The following SLCO3A1 variants were observed in gnomAD, a reference collection of about 807,000 sequenced individuals.
SLCO3A1 encodes solute carrier organic anion transporter family member 3A1.
A neutral mutation model predicts 63.1 loss-of-function variants in SLCO3A1; 27 were observed. That is an observed-to-expected ratio of 0.43 (90% CI 0.32 to 0.59). The LOEUF is 0.59. SLCO3A1 is among the 20% of genes least tolerant of loss of function. SLCO3A1 has a pLI of 0.09. For missense variants in SLCO3A1, 773 were observed against 945.8 expected (o/e 0.82, Z 2.40); for synonymous variants, 473 against 409.9 (o/e 1.15, Z -1.86).
chr15:92,141,352 C>T (rs970139895), intron 7 of SLCO3A1, among the ~76,000 whole-genome samples: 1 of 152,176 alleles, frequency 6.6e-6, no homozygotes, highest in African/African-American at 2.4e-5. Context: ...GTCTTAGGGA[C>T]AGCCAGAGAA....
intron 2 of SLCO3A1, among the ~76,000 whole-genome samples, chr15:91,972,358 C>T (rs1900909554): frequency 6.6e-6 from 1 of 152,058 alleles, no homozygotes; most frequent in Non-Finnish European, 1.5e-5. Context: ...TCGAATAGGT[C>T]ATGATGGAGG....
rs1567068094 is a variant in SLCO3A1 at position 92,016,258 on chromosome 15, A to ATAGATAGATTGAT, written c.647-78614_647-78613insTGATTAGATAGAT. Among the ~76,000 whole-genome samples, 71 of 126,236 alleles carry ATAGATAGATTGAT rather than the reference A, an allele frequency of 5.6e-4. 1 individual carries two copies. The highest frequency in any genetic ancestry group is 2.2e-3 in the African/African-American group (66 of 30,246). The allele number at this position is 126,236 out of a possible 152,430, so 82.8% of individuals were successfully genotyped here. ...ATAGATAGATAGATAGATAGATTAG[A>ATAGATAGATTGAT]TAGATAGATAGATAGATAGATAGAT... On this transcript the variant is annotated intron_variant, in intron 2 of 9. Transcript: ENST00000318445.
At chr15:91,991,404 G>T (rs1412004063) in intron 2 of SLCO3A1, among the ~76,000 whole-genome samples, 1 of 152,108 alleles carries the variant, frequency 6.6e-6, no homozygotes, top group Non-Finnish European at 1.5e-5. Context: ...ACAGTTGTTT[G>T]AAATTAAAAT....
intron 2 of SLCO3A1, among the ~76,000 whole-genome samples, chr15:92,026,451 T>C (rs1368580185): frequency 6.6e-6 from 1 of 152,246 alleles, no homozygotes; most frequent in Non-Finnish European, 1.5e-5. Context: ...AGCTTCTGTT[T>C]TATTTTTATT....
intron 2 of SLCO3A1, among the ~76,000 whole-genome samples, chr15:91,991,275 G>T (rs1348517173): frequency 6.6e-6 from 1 of 152,096 alleles, no homozygotes; most frequent in Non-Finnish European, 1.5e-5. Context: ...GCTGAGGTGG[G>T]GGATCACTTG....
chr15:91,982,623 G>C (rs1167737837), intron 2 of SLCO3A1, among the ~76,000 whole-genome samples: 1 of 152,196 alleles, frequency 6.6e-6, no homozygotes, highest in Admixed American at 6.5e-5. Flanking sequence ...TCCCTCTATA[G>C]AGTTTCTGAG....
rs33938693 is a variant in SLCO3A1 at position 91,871,765 on chromosome 15, GTTTTTT to G, written c.180+17692_180+17697del. Among the ~76,000 whole-genome samples the G allele has an allele frequency of 3.9e-4, 18 of 45,706 alleles. 1 individual carries two copies. The East Asian group carries it at 0.01, about 26-fold the overall frequency. 30.0% of individuals were successfully genotyped at this position (45,706 alleles called of 152,430 possible). On this transcript the variant is annotated intron_variant, in intron 1 of 9. Transcript: ENST00000318445. ...GGTGTGCTCATTTTGTTTTTTTTTG[GTTTTTT>G]TTTTTTTTTTTTTTGGCTGATAAGT...
intron 2 of SLCO3A1, among the ~76,000 whole-genome samples, chr15:92,090,926 GA>G (rs1465769302): frequency 6.6e-6 from 1 of 152,198 alleles, no homozygotes; most frequent in Non-Finnish European, 1.5e-5. Flanking sequence ...CTTTACAGAA[GA>G]AGAAGCTGAG....
At chr15:92,100,519 G>T (rs1759808956) in intron 3 of SLCO3A1, among the ~76,000 whole-genome samples, 1 of 152,172 alleles carries the variant, frequency 6.6e-6, no homozygotes, top group Non-Finnish European at 1.5e-5. Flanking sequence ...TTTGTTCTGG[G>T]CATCTTACTG....
At chr15:92,119,598 G>C (rs905121993) in intron 4 of SLCO3A1, among the ~76,000 whole-genome samples, 2 of 152,216 alleles carry the variant, frequency 1.3e-5, no homozygotes, top group East Asian at 1.9e-4. Context: ...AAAGACCTGG[G>C]TGGGGTGGAC....
intron 2 of SLCO3A1, among the ~76,000 whole-genome samples, chr15:91,925,631 A>G (rs1390996804): frequency 1.3e-5 from 2 of 152,164 alleles, no homozygotes; most frequent in African/African-American, 2.4e-5. Context: ...GAAGTGGGCC[A>G]ATCAGAGTCC....
rs867894918 is a variant in SLCO3A1, at chr15:91,942,270, T to C, written c.646+25812T>C. On this transcript the variant is annotated intron_variant, in intron 2 of 9. Coordinates refer to ENST00000318445, the MANE Select transcript of SLCO3A1 (RefSeq NM_013272.4). The surrounding 1 kb of genome is among the most constrained non-coding windows in gnomAD (Gnocchi z 4.1). The stretch of plus-strand genomic sequence containing the variant: ...ATGTAGCAACTGCTGAACCCCACAA[T>C]GTCTGATCTATAGCAGGCATTTCAG... 6.6e-6 allele frequency among the ~76,000 whole-genome samples: 1 copy of C among 152,204 alleles called. No individual in the cohort carries two copies. Among genetic ancestry groups the C allele is most frequent in the Non-Finnish European group, 1.5e-5 (1 of 68,032 alleles).
chr15:91,969,813 T>A (rs1490635926), intron 2 of SLCO3A1, among the ~76,000 whole-genome samples: 1 of 152,170 alleles, frequency 6.6e-6, no homozygotes, highest in Non-Finnish European at 1.5e-5. Context: ...TGTCTATGGT[T>A]TCCTGGTGGC....
At chr15:91,936,383 T>G (rs942007673) in intron 2 of SLCO3A1, among the ~76,000 whole-genome samples, 38 of 152,160 alleles carry the variant, frequency 2.5e-4, no homozygotes, top group African/African-American at 8.9e-4. Context: ...AGTGAAAAAC[T>G]CAGTTCCTCA....
At chr15:92,150,225 A>T (rs999344481) in intron 8 of SLCO3A1, among the ~76,000 whole-genome samples, 4 of 152,116 alleles carry the variant, frequency 2.6e-5, no homozygotes, top group African/African-American at 9.7e-5. Context: ...TGGTCTTTTC[A>T]TGTTTTTCTG....
At position 92,164,033 on chromosome 15, in the gene SLCO3A1, T is replaced by C; in HGVS notation, c.*898T>C. On this transcript the variant is annotated 3_prime_UTR_variant, in exon 10 of 10. Transcript: ENST00000318445. ...ATTTGCCAAAAACATTTTGCCATTT[T>C]TAAAAGAAAAAAATACAATCCATAT... The C allele has an allele frequency of 5.1e-6, 5 of 985,350 alleles. No individual in the cohort carries two copies. The highest frequency in any genetic ancestry group is 6.0e-6 in the Non-Finnish European group (5 of 829,822). The allele number at this position is 985,350 out of a possible 1,614,324, so 61.0% of individuals were successfully genotyped here.
chr15:91,896,391 T>C (rs1308221456), intron 1 of SLCO3A1, among the ~76,000 whole-genome samples: 1 of 152,186 alleles, frequency 6.6e-6, no homozygotes, highest in Admixed American at 6.5e-5. Flanking sequence ...GAGGTAGGAC[T>C]CCAGGTAGAA....
intron 7 of SLCO3A1, among the ~76,000 whole-genome samples, chr15:92,133,981 A>T (rs2151573980): frequency 6.6e-6 from 1 of 152,316 alleles, no homozygotes; most frequent in Non-Finnish European, 1.5e-5. Context: ...TGCCCTGAAG[A>T]TATATTTAAT....
intron 7 of SLCO3A1, among the ~76,000 whole-genome samples, chr15:92,134,805 A>T (rs118003525): frequency 0.01 from 1,570 of 152,296 alleles, 22 homozygotes; most frequent in Non-Finnish European, 0.014. Flanking sequence ...TTAGGTTCTA[A>T]AAGAGGGAAG....
Sources: gnomAD v4.1 joint callset for allele counts (sites outside exome capture counted in the v4.1 genomes callset) on GRCh38, gnomAD v4.1.1 for gene constraint, Gnocchi (gnomAD v3.1) non-coding constraint, MANE v1.5 for transcripts, NCBI Gene and HGNC (gene_info 2026-07-23, HGNC 2026-07-21) for gene names.